Variants in TRIM2 observed in about 807,000 individuals in gnomAD.
TRIM2 encodes tripartite motif containing 2.
A neutral mutation model predicts 75.2 loss-of-function variants in TRIM2; 20 were observed. That is an observed-to-expected ratio of 0.27 (90% CI 0.19 to 0.39). TRIM2 has a LOEUF of 0.39. Ranked by LOEUF, TRIM2 falls within the 10% of genes least tolerant of loss-of-function variation. The pLI is 1.00. For synonymous variants in TRIM2, 373 were observed against 388.3 expected (o/e 0.96, Z 0.46); for missense variants, 660 against 990.8 (o/e 0.67, Z 4.48).
At chr4:153,319,793 C>T (rs1188812363) in intron 8 of TRIM2, among the ~76,000 whole-genome samples, 5 of 151,948 alleles carry the variant, frequency 3.3e-5, no homozygotes, top group African/African-American at 1.2e-4. Context: ...GGGGTTGACA[C>T]AATCAGGGAA....
At chr4:153,212,495 A>T (rs542665827) in intron 1 of TRIM2, among the ~76,000 whole-genome samples, 20 of 152,168 alleles carry the variant, frequency 1.3e-4, no homozygotes, top group Non-Finnish European at 1.8e-4. Context: ...ATTACGCAAT[A>T]TTTCCATGTA....
intron 2 of TRIM2, among the ~76,000 whole-genome samples, chr4:153,272,384 A>G (rs1250128780): frequency 2.0e-5 from 3 of 152,094 alleles, no homozygotes; most frequent in Non-Finnish European, 2.9e-5. Context: ...TCCTGACCTC[A>G]TGATCTGCCC....
chr4:153,258,763 A>T (rs923071819), intron 1 of TRIM2, among the ~76,000 whole-genome samples: 4 of 152,170 alleles, frequency 2.6e-5, no homozygotes, highest in African/African-American at 7.2e-5. Flanking sequence ...ACTCCAGTTT[A>T]TATGTAAGGA....
At chr4:153,315,709 ACTTTT>A (rs1767438507) in intron 7 of TRIM2, 118 bp from the exon 8 acceptor site, 1 of 1,455,972 alleles carries the variant, frequency 6.9e-7, no homozygotes, top group Non-Finnish European at 9.5e-7. Flanking sequence ...GTTTATGTAG[ACTTTT>A]CTTCAAATAG....
chr4:153,157,778 G>A (rs551844830), intron 1 of TRIM2, among the ~76,000 whole-genome samples: 23 of 152,282 alleles, frequency 1.5e-4, no homozygotes, highest in Non-Finnish European at 2.5e-4. Flanking sequence ...GCCTTGCTTC[G>A]AGCCACTAAG....
intron 1 of TRIM2, among the ~76,000 whole-genome samples, chr4:153,153,466 G>A (rs1051751291): frequency 6.6e-5 from 10 of 152,202 alleles, no homozygotes; most frequent in African/African-American, 2.4e-4. Flanking sequence ...AGCCCGGAAG[G>A]CTGCAGACGG....
chr4:153,339,168 C>G lies in TRIM2; in HGVS notation c.*4202C>G. 1 of 985,800 alleles carries G rather than the reference C, an allele frequency of 1.0e-6. No individual in the cohort carries two copies. The highest frequency in any genetic ancestry group is 1.2e-6 in the Non-Finnish European group (1 of 829,904). The allele number at this position is 985,800 out of a possible 1,614,324, so 61.1% of individuals were successfully genotyped here. A position where few individuals can be genotyped will look rare whatever the true frequency, so the allele number is the denominator to read the frequency against. On this transcript the variant is annotated 3_prime_UTR_variant, in exon 12 of 12. Coordinates refer to ENST00000338700, the MANE Select transcript of TRIM2 (RefSeq NM_015271.5). ...CATCAAAGTGTTTGTATGTTCGTAG[C>G]TACATACGTACCACAGTATTTTGGA...
chr4:153,270,065 G>A (rs1207305819), intron 1 of TRIM2, among the ~76,000 whole-genome samples: 85 of 151,946 alleles, frequency 5.6e-4, no homozygotes, highest in Non-Finnish European at 1.1e-3. Flanking sequence ...AGTAGCTGAG[G>A]CAACAGGCGT....
At chr4:153,300,558 T>G (rs923687981) in intron 6 of TRIM2, among the ~76,000 whole-genome samples, 1 of 152,212 alleles carries the variant, frequency 6.6e-6, no homozygotes, top group Non-Finnish European at 1.5e-5. Context: ...CATTTTTTTT[T>G]TTGAGACAGA....
rs1335987304 is a variant in TRIM2 at position 153,334,889 on chromosome 4, G to A, written c.2239G>A (p.Ala747Thr). The A allele has an allele frequency of 6.2e-7, 1 of 1,613,872 alleles. No individual in the cohort carries two copies. The highest frequency in any genetic ancestry group is 1.3e-5 in the African/African-American group (1 of 74,898). The change falls in exon 12 of 12, where the codon GCC becomes ACC. Residue 747 changes from alanine (A) to threonine (T), a missense_variant. Transcript: ENST00000338700. ...ADPLYGPQGL[A>T]LTSDGHVVVA... ...CCCACTCTATGGCCCCCAAGGCCTGGCCCTAACTTCAGATGGTCATGTTGT... is the reference window on the plus strand; with the variant it reads ...CCCACTCTATGGCCCCCAAGGCCTGACCCTAACTTCAGATGGTCATGTTGT...
In TRIM2 at chr4:153,336,956, T is replaced by G. The variant is rs140508302; in HGVS notation, c.*1990T>G. Reference sequence around the variant, plus strand: ...TTCCTAACATCAGTGAGATACATCTTTGAATTTAAACATTCATATTTACTG... The same window carrying G: ...TTCCTAACATCAGTGAGATACATCTGTGAATTTAAACATTCATATTTACTG... On this transcript the variant is annotated 3_prime_UTR_variant, in exon 12 of 12. Transcript: ENST00000338700. 1,214 of 984,094 alleles carry G rather than the reference T, an allele frequency of 1.2e-3. 8 individuals carry two copies. In the African/African-American group the frequency reaches 0.02, roughly 16 times the overall value. 61.0% of individuals were successfully genotyped at this position (984,094 alleles called of 1,614,324 possible).
At chr4:153,171,030 T>C (rs1730798637) in intron 1 of TRIM2, among the ~76,000 whole-genome samples, 1 of 152,198 alleles carries the variant, frequency 6.6e-6, no homozygotes, top group South Asian at 2.1e-4. Context: ...CCAAGATAGC[T>C]TTCATAGTCC....
At position 153,244,012 on chromosome 4, in the gene TRIM2, G is replaced by T. The variant is rs79083171; in HGVS notation, c.31-26323G>T. ...TTCTAAATTTTTTTGTAGAAATGGG[G>T]TCTCCCTATGTTGCCCAGGCTAGTC... On this transcript the variant is annotated intron_variant, in intron 1 of 11. Transcript: ENST00000338700. 6.3e-3 allele frequency among the ~76,000 whole-genome samples: 961 copies of T among 151,702 alleles called. 11 individuals carry two copies. The highest frequency in any genetic ancestry group is 0.021 in the African/African-American group (888 of 41,388).
Position 153,339,245 on chromosome 4 carries a change from G to A in TRIM2, c.*4279G>A. On this transcript the variant is annotated 3_prime_UTR_variant, in exon 12 of 12. Transcript: ENST00000338700. ...ATTAATTCTGTCTTGAAACATAGGAGAAACAGGATTCATGTGTATCTCTTT... is the reference window on the plus strand; with the variant it reads ...ATTAATTCTGTCTTGAAACATAGGAAAAACAGGATTCATGTGTATCTCTTT... The A allele has an allele frequency of 3.1e-6, 3 of 958,588 alleles. No individual in the cohort carries two copies. The highest frequency in any genetic ancestry group is 3.7e-6 in the Non-Finnish European group (3 of 805,336). 59.4% of individuals were successfully genotyped at this position (958,588 alleles called of 1,614,324 possible).
intron 6 of TRIM2, among the ~76,000 whole-genome samples, chr4:153,307,495 G>A (rs557243798): frequency 7.9e-5 from 12 of 152,166 alleles, no homozygotes; most frequent in East Asian, 3.9e-4. Context: ...TTATTAATCC[G>A]TTTATGACAC....
intron 8 of TRIM2, among the ~76,000 whole-genome samples, chr4:153,317,464 C>T (rs561503676): frequency 4.0e-5 from 6 of 150,866 alleles, no homozygotes; most frequent in Non-Finnish European, 8.9e-5. Flanking sequence ...CTGGCTAACA[C>T]GGTGAAACCC....
Position 153,336,117 on chromosome 4 carries a change from T to TAC in TRIM2, c.*1152_*1153insCA. 2 of 469,670 alleles carry TAC rather than the reference T, an allele frequency of 4.3e-6. No homozygotes were observed. The highest frequency in any genetic ancestry group is 4.9e-6 in the Non-Finnish European group (2 of 404,070). The allele number at this position is 469,670 out of a possible 1,614,324, so 29.1% of individuals were successfully genotyped here. On this transcript the variant is annotated 3_prime_UTR_variant, in exon 12 of 12. Transcript: ENST00000338700. Reference sequence around the variant, plus strand: ...ATGATTAGGGTAAGATAGAATGTATTATATATATATATATATACACACACA... The same window carrying TAC: ...ATGATTAGGGTAAGATAGAATGTATTACATATATATATATATATACACACACA...
intron 1 of TRIM2, among the ~76,000 whole-genome samples, chr4:153,181,294 T>C (rs1274732259): frequency 6.6e-6 from 1 of 152,240 alleles, no homozygotes; most frequent in African/African-American, 2.4e-5. Context: ...AACTGTGCTC[T>C]CCTGCTCTCT....
At chr4:153,241,593 TGAGCAGAGAACCCAG>T (rs889576838) in intron 1 of TRIM2, among the ~76,000 whole-genome samples, 48 of 152,172 alleles carry the variant, frequency 3.2e-4, no homozygotes, top group Admixed American at 1.6e-3. Context: ...TTTGAGCATG[TGAGCAGAGAACCCAG>T]GAGCAGAGAA....
Sources: gnomAD v4.1 joint callset for allele counts (sites outside exome capture counted in the v4.1 genomes callset) on GRCh38, gnomAD v4.1.1 for gene constraint, MANE v1.5 for transcripts, NCBI Gene and HGNC (gene_info 2026-07-23, HGNC 2026-07-21) for gene names.